KCNIP4: variants seen among roughly 807,000 people sequenced by gnomAD.
KCNIP4 encodes potassium voltage-gated channel interacting protein 4.
KCNIP4 carries 12 observed loss-of-function variants against 34.0 expected under a neutral mutation model. The ratio of observed to expected loss-of-function variants is 0.35; its 90% confidence interval spans 0.23 to 0.57. The LOEUF (loss-of-function observed/expected upper bound fraction) is 0.57. KCNIP4 is among the 20% of genes least tolerant of loss of function. KCNIP4 has a pLI of 0.83. For missense variants in KCNIP4, 238 were observed against 311.7 expected (o/e 0.76, Z 1.78); for synonymous variants, 124 against 102.2 (o/e 1.21, Z -1.29).
intron 1 of KCNIP4, among the ~76,000 whole-genome samples, chr4:21,307,086 T>A (rs967215248): frequency 2.0e-5 from 3 of 152,144 alleles, no homozygotes; most frequent in Middle Eastern, 3.2e-3. Context: ...ACCCCCAAAG[T>A]CCTGGGATTA....
chr4:21,006,035 C>T (rs751617461), intron 1 of KCNIP4, among the ~76,000 whole-genome samples: 14 of 152,038 alleles, frequency 9.2e-5, no homozygotes, highest in Non-Finnish European at 1.6e-4. Context: ...AAAATGGAGG[C>T]GATTGAAGCA....
intron 1 of KCNIP4, among the ~76,000 whole-genome samples, chr4:20,953,849 C>A (rs1733034697): frequency 6.6e-6 from 1 of 152,100 alleles, no homozygotes; most frequent in African/African-American, 2.4e-5. Flanking sequence ...GAGTCATTAT[C>A]AAAAATGGAC....
chr4:21,400,817 C>T (rs1184080257), intron 1 of KCNIP4, among the ~76,000 whole-genome samples: 1 of 152,002 alleles, frequency 6.6e-6, no homozygotes, highest in Admixed American at 6.6e-5. Context: ...GGTGAGAGAA[C>T]GAATGTGAGA....
rs565390454 is a variant in KCNIP4, at chr4:21,221,252, C to T, written c.62-338543G>A. On this transcript the variant is annotated intron_variant, in intron 1 of 8. Transcript: ENST00000382152. ...AAACTACTAACCTCACATCTCCTAG[C>T]ATAATGCCTGTTACATAGTAAGTAG... Among the ~76,000 whole-genome samples the T allele has an allele frequency of 4.6e-5, 7 of 152,258 alleles. No homozygotes were observed. The East Asian group carries it at 1.4e-3, about 29-fold the overall frequency.
At chr4:21,924,410 A>C (rs2108999601) in intron 1 of KCNIP4, among the ~76,000 whole-genome samples, 1 of 151,668 alleles carries the variant, frequency 6.6e-6, no homozygotes, top group South Asian at 2.1e-4. Flanking sequence ...CACCTGGCTA[A>C]TTTTTTTGTA....
intron 1 of KCNIP4, among the ~76,000 whole-genome samples, chr4:21,214,968 TATC>T (rs1443741990): frequency 3.3e-5 from 5 of 152,212 alleles, no homozygotes; most frequent in African/African-American, 1.2e-4. Flanking sequence ...AAAACCCAAA[TATC>T]AGGGAGAAGA....
At chr4:21,049,356 A>G (rs1742733892) in intron 1 of KCNIP4, among the ~76,000 whole-genome samples, 1 of 152,130 alleles carries the variant, frequency 6.6e-6, no homozygotes, top group African/African-American at 2.4e-5. Flanking sequence ...CAATAAATAA[A>G]TGTTGTTTTA....
intron 1 of KCNIP4, among the ~76,000 whole-genome samples, chr4:21,336,970 T>G (rs1208693932): frequency 2.0e-5 from 3 of 151,826 alleles, no homozygotes; most frequent in Admixed American, 1.3e-4. Flanking sequence ...CTAGAAAGGT[T>G]TCACCAAGCA....
At chr4:21,146,868 A>C (rs1336451042) in intron 1 of KCNIP4, among the ~76,000 whole-genome samples, 2 of 152,148 alleles carry the variant, frequency 1.3e-5, no homozygotes, top group African/African-American at 4.8e-5. Context: ...CTCTATTAAG[A>C]CACATTTCAT....
At chr4:21,278,174 T>G (rs1173040418) in intron 1 of KCNIP4, among the ~76,000 whole-genome samples, 1 of 152,184 alleles carries the variant, frequency 6.6e-6, no homozygotes, top group Non-Finnish European at 1.5e-5. Flanking sequence ...GGATGTGGAA[T>G]GTAACCCAAG....
intron 1 of KCNIP4, among the ~76,000 whole-genome samples, chr4:21,309,500 CCTTA>C (rs1712891040): frequency 6.6e-6 from 1 of 152,120 alleles, no homozygotes. Flanking sequence ...AAAAATATAT[CCTTA>C]GTCTTCACTA....
chr4:21,725,566 T>C (rs745509657), intron 1 of KCNIP4, among the ~76,000 whole-genome samples: 2 of 152,104 alleles, frequency 1.3e-5, no homozygotes, highest in African/African-American at 2.4e-5. Flanking sequence ...ATGGAGAGGA[T>C]TACTGCTTTG....
At chr4:20,853,005 C>CTGGGTAGAATCATGGA (rs1307999944) in intron 2 of KCNIP4, among the ~76,000 whole-genome samples, 2 of 152,140 alleles carry the variant, frequency 1.3e-5, no homozygotes, top group Non-Finnish European at 2.9e-5. Flanking sequence ...ACATCCCATG[C>CTGGGTAGAATCATGGA]TGGGTAGAAT....
chr4:20,736,252 T>C (rs929530165), intron 5 of KCNIP4, among the ~76,000 whole-genome samples: 3 of 152,204 alleles, frequency 2.0e-5, no homozygotes, highest in Non-Finnish European at 2.9e-5. Context: ...TTTTTTCCAC[T>C]TAAGCATAAA....
chr4:21,799,270 T>C (rs1331412166), intron 1 of KCNIP4, among the ~76,000 whole-genome samples: 1 of 152,126 alleles, frequency 6.6e-6, no homozygotes, highest in Non-Finnish European at 1.5e-5. Flanking sequence ...TAACTGAGAT[T>C]TAGAGAGGTG....
At chr4:20,736,416 C>A (rs997197333) in intron 5 of KCNIP4, among the ~76,000 whole-genome samples, 6 of 151,988 alleles carry the variant, frequency 3.9e-5, no homozygotes, top group Non-Finnish European at 5.9e-5. Flanking sequence ...ATCATATATT[C>A]TAAACTAGTT....
At chr4:21,247,972 CATATATATAT>C (rs1207663101) in intron 1 of KCNIP4, among the ~76,000 whole-genome samples, 8 of 109,838 alleles carry the variant, frequency 7.3e-5, no homozygotes, top group East Asian at 2.5e-4. Flanking sequence ...TATACACACA[CATATATATAT>C]ACACACACAC....
intron 1 of KCNIP4, among the ~76,000 whole-genome samples, chr4:21,539,750 G>A (rs1032891145): frequency 3.3e-5 from 5 of 152,082 alleles, no homozygotes; most frequent in Non-Finnish European, 7.4e-5. Context: ...GGAGGCCCAG[G>A]CAGGCGGATC....
In KCNIP4 at chr4:21,245,858, C is replaced by G. The variant is rs556149358; in HGVS notation, c.62-363149G>C. Among the ~76,000 whole-genome samples the G allele has an allele frequency of 2.2e-4, 34 of 152,210 alleles. 1 individual carries two copies. The highest frequency in any genetic ancestry group is 7.0e-4 in the African/African-American group (29 of 41,542). On this transcript the variant is annotated intron_variant, in intron 1 of 8. Coordinates refer to ENST00000382152, the MANE Select transcript of KCNIP4 (RefSeq NM_025221.6). Reference sequence around the variant, plus strand: ...TAGCTAGGGTGTCATCTGCAAGTAGCAACATTTCTCTATTGATACTATAAA... The same window carrying G: ...TAGCTAGGGTGTCATCTGCAAGTAGGAACATTTCTCTATTGATACTATAAA...
Sources: allele counts gnomAD v4.1 joint callset (sites outside exome capture counted in the v4.1 genomes callset), GRCh38; gene constraint gnomAD v4.1.1; transcripts MANE v1.5; gene names NCBI Gene and HGNC (gene_info 2026-07-23, HGNC 2026-07-21).